PLS3: variants seen among roughly 807,000 people sequenced by gnomAD.
PLS3 encodes the protein plastin-3.
A neutral mutation model predicts 46.5 loss-of-function variants in PLS3; 11 were observed. The ratio of observed to expected loss-of-function variants is 0.24; its 90% CI spans 0.15 to 0.39. PLS3 has a LOEUF of 0.39. Ranked by LOEUF, PLS3 falls within the 10% of genes least tolerant of loss-of-function variation. PLS3 has a pLI of 1.00. For synonymous variants in PLS3, 167 were observed against 162.2 expected, an observed-to-expected ratio of 1.03 and a Z score of -0.22; for missense variants, 308 against 461.8, an observed-to-expected ratio of 0.67 and a Z score of 3.05.
At chrX:115,573,093 C>CAAAAAAAAAAA (rs1163578692) in intron 1 of PLS3, among the ~76,000 whole-genome samples, 1 of 30,204 alleles carries the variant, frequency 3.3e-5, no homozygotes, top group African/African-American at 9.5e-5. Context: ...GACTCCGTCT[C>CAAAAAAAAAAA]AAAAAAAAAA....
At chrX:115,638,025 G>A (rs904379840) in intron 8 of PLS3, among the ~76,000 whole-genome samples, 13 of 110,499 alleles carry the variant, frequency 1.2e-4, no homozygotes, top group African/African-American at 4.3e-4. Flanking sequence ...GCTCACTGCA[G>A]CCTTTACCTC....
intron 8 of PLS3, among the ~76,000 whole-genome samples, chrX:115,637,213 G>A (rs2074846793): frequency 1.8e-5 from 2 of 111,828 alleles, no homozygotes; most frequent in Non-Finnish European, 3.8e-5. Flanking sequence ...ATGCTAATTT[G>A]TTATATCCTG....
chrX:115,577,344 T>C (rs994899423), intron 1 of PLS3, among the ~76,000 whole-genome samples: 2 of 111,394 alleles, frequency 1.8e-5, no homozygotes, highest in Non-Finnish European at 1.9e-5. Flanking sequence ...CAACCCAGAG[T>C]AGTCACATGC....
chrX:115,625,521 A>G (rs183672469), intron 3 of PLS3, among the ~76,000 whole-genome samples: 1 of 109,694 alleles, frequency 9.1e-6, no homozygotes, highest in Non-Finnish European at 1.9e-5. Context: ...GCAGAGAAGT[A>G]AGCTGCCCAG....
chrX:115,648,616 C>T (rs2074974801), intron 15 of PLS3, among the ~76,000 whole-genome samples: 1 of 111,070 alleles, frequency 9.0e-6, no homozygotes, highest in Admixed American at 9.7e-5. Flanking sequence ...GAAAACCTTA[C>T]TAGTTAGACA....
At chrX:115,576,390 G>A (rs1009290285) in intron 1 of PLS3, among the ~76,000 whole-genome samples, 2 of 111,058 alleles carry the variant, frequency 1.8e-5, no homozygotes, top group African/African-American at 3.3e-5. Flanking sequence ...GCAACATAGC[G>A]AGACCTCATC....
At chrX:115,594,691 C>A (rs1373525590) in intron 1 of PLS3, among the ~76,000 whole-genome samples, 2 of 107,783 alleles carry the variant, frequency 1.9e-5, no homozygotes, top group Admixed American at 2.0e-4. Flanking sequence ...CACACACACA[C>A]CCCACACACA....
intron 10 of PLS3, 125 bp from the exon 11 acceptor site, chrX:115,644,896 C>A: frequency 2.2e-6 from 1 of 444,997 alleles, no homozygotes; most frequent in Non-Finnish European, 3.8e-6. Flanking sequence ...TGCTTGGAAA[C>A]TCGTATTATC....
At chrX:115,566,793 C>T (rs912366370) in intron 1 of PLS3, among the ~76,000 whole-genome samples, 30 of 111,326 alleles carry the variant, frequency 2.7e-4, no homozygotes, top group African/African-American at 9.5e-4. Flanking sequence ...ATTCTCGTGC[C>T]TCAGCCTCCT....
chrX:115,641,344 C>T (rs2074893975), intron 9 of PLS3, among the ~76,000 whole-genome samples: 1 of 106,036 alleles, frequency 9.4e-6, no homozygotes, highest in Admixed American at 1.0e-4. Flanking sequence ...TCTCCTGCCT[C>T]AGCCTCCCGA....
At chrX:115,577,032 C>T (rs921248292) in intron 1 of PLS3, among the ~76,000 whole-genome samples, 11 of 111,895 alleles carry the variant, frequency 9.8e-5, no homozygotes, top group Non-Finnish European at 2.1e-4. Context: ...CACTGGAGAC[C>T]CAGATTGTAG....
chrX:115,633,112 A>G (rs139040993), intron 5 of PLS3, among the ~76,000 whole-genome samples: 1,752 of 110,675 alleles, frequency 0.016, 38 homozygotes, highest in African/African-American at 0.055. Context: ...ATTGAAAGAG[A>G]AAGCATGCTA....
At chrX:115,582,101 T>C (rs1176984210) in intron 1 of PLS3, among the ~76,000 whole-genome samples, 1 of 112,564 alleles carries the variant, frequency 8.9e-6, no homozygotes, top group Non-Finnish European at 1.9e-5. Flanking sequence ...TATTTTTAAA[T>C]TTATTTTGTC....
intron 2 of PLS3, among the ~76,000 whole-genome samples, chrX:115,612,494 A>G (rs1445332327): frequency 1.8e-5 from 2 of 111,396 alleles, no homozygotes; most frequent in African/African-American, 6.5e-5. Flanking sequence ...AACAAGCTCT[A>G]TAACTTATTA....
rs150531129 is a variant in PLS3, at chrX:115,638,514, G to A, written c.891+1536G>A. Among the ~76,000 whole-genome samples the A allele has an allele frequency of 5.3e-3, 589 of 110,791 alleles. 3 individuals carry two copies. Among genetic ancestry groups the A allele is most frequent in the African/African-American group, 0.018 (553 of 30,514 alleles). On this transcript the variant is annotated intron_variant, in intron 8 of 15. Transcript: ENST00000355899. ...CCCACCTCGGCCTCCTAAAATGCTG[G>A]GATTACAGGCATGAGCCATGGTACC... is the stretch of plus-strand genomic sequence containing the variant.
At chrX:115,590,775 G>A (rs782345387) in intron 1 of PLS3, among the ~76,000 whole-genome samples, 15 of 109,176 alleles carry the variant, frequency 1.4e-4, no homozygotes, top group Non-Finnish European at 2.9e-4. Flanking sequence ...AGCTGAGATC[G>A]AACCACTGCA....
At chrX:115,597,032 C>G in intron 1 of PLS3, among the ~76,000 whole-genome samples, 1 of 108,190 alleles carries the variant, frequency 9.2e-6, no homozygotes, top group East Asian at 2.9e-4. Context: ...GTAATCCCAG[C>G]TACCCAGGAG....
intron 10 of PLS3, among the ~76,000 whole-genome samples, chrX:115,644,361 C>T (rs1317778070): frequency 1.8e-5 from 2 of 110,701 alleles, no homozygotes; most frequent in Non-Finnish European, 3.8e-5. Flanking sequence ...CTTTGGGAGG[C>T]CAAGGTGGCC....
In PLS3 at chrX:115,610,223, C is replaced by T. The variant is rs114186394; in HGVS notation, c.-8-20C>T. On this transcript the variant is annotated intron_variant, in intron 1 of 15. Coordinates refer to ENST00000355899, the MANE Select transcript of PLS3 (RefSeq NM_005032.7). ...TATCACAATTTTTTAAAGTCTGAAA[C>T]GTTTTTGGTTTTTCTTTAGATCTTT... 6.8e-3 allele frequency: 6,292 copies of T among 927,014 alleles called. 231 individuals carry two copies. The African/African-American group carries it at 0.11, about 17-fold the overall frequency. 76.4% of individuals were successfully genotyped at this position (927,014 alleles called of 1,213,427 possible).
Sources: gnomAD v4.1 joint callset for allele counts (sites outside exome capture counted in the v4.1 genomes callset) on GRCh38, gnomAD v4.1.1 for gene constraint, MANE v1.5 for transcripts, NCBI Gene and HGNC (gene_info 2026-07-23, HGNC 2026-07-21) for gene names.